Variants in KCNIP4 observed in about 807,000 individuals in gnomAD.
KCNIP4 encodes Kv channel-interacting protein 4.
Under a neutral mutation model 34.0 loss-of-function variants are expected in KCNIP4, and 12 were observed. The observed-to-expected ratio is 0.35, with a 90% CI of 0.23 to 0.57. KCNIP4 has a LOEUF of 0.57. KCNIP4 is among the 20% of genes least tolerant of loss of function. The pLI is 0.83. For synonymous variants in KCNIP4, 124 were observed against 102.2 expected (o/e 1.21, Z -1.29); for missense variants, 238 against 311.7 (o/e 0.76, Z 1.78).
chr4:20,864,092 A>G (rs974565117), intron 2 of KCNIP4, among the ~76,000 whole-genome samples: 5 of 150,948 alleles, frequency 3.3e-5, no homozygotes, highest in Admixed American at 2.0e-4. Context: ...ATGTATATGC[A>G]TGTATACGTA....
intron 1 of KCNIP4, among the ~76,000 whole-genome samples, chr4:21,110,647 A>G (rs1749081922): frequency 2.0e-5 from 3 of 152,266 alleles, no homozygotes; most frequent in African/African-American, 7.2e-5. Flanking sequence ...TTTTGTTAAA[A>G]CCTAATCCCT....
rs895869432 is a variant in KCNIP4 at position 21,297,065 on chromosome 4, T to C, written c.62-414356A>G. 5.9e-5 allele frequency among the ~76,000 whole-genome samples: 9 copies of C among 151,354 alleles called. No individual in the cohort carries two copies. In the South Asian group the frequency reaches 8.3e-4, roughly 14 times the overall value. On this transcript the variant is annotated intron_variant, in intron 1 of 8. Transcript: ENST00000382152. The stretch of plus-strand genomic sequence containing the variant: ...GTGTGTTTGTGTGTGTATAAATATA[T>C]GAATTTCTGGTAAGTCAAGTGCTAT...
At chr4:21,272,171 C>T (rs1762190501) in intron 1 of KCNIP4, among the ~76,000 whole-genome samples, 1 of 152,092 alleles carries the variant, frequency 6.6e-6, no homozygotes, top group Non-Finnish European at 1.5e-5. Flanking sequence ...TTTTCCTTAA[C>T]CTCTCTGCCT....
intron 1 of KCNIP4, among the ~76,000 whole-genome samples, chr4:21,122,633 G>A (rs1002637723): frequency 6.6e-6 from 1 of 152,020 alleles, no homozygotes; most frequent in African/African-American, 2.4e-5. Flanking sequence ...ATTGTTTCCA[G>A]GTCCTACCCC....
intron 1 of KCNIP4, among the ~76,000 whole-genome samples, chr4:21,441,953 A>C (rs553493007): frequency 6.6e-6 from 1 of 152,352 alleles, no homozygotes; most frequent in South Asian, 2.1e-4. Flanking sequence ...TCATTTAAGA[A>C]ATATCCACTA....
At chr4:21,117,351 T>C (rs1577722029) in intron 1 of KCNIP4, among the ~76,000 whole-genome samples, 2 of 143,706 alleles carry the variant, frequency 1.4e-5, no homozygotes, top group East Asian at 4.5e-4. Flanking sequence ...GTGATTCTCC[T>C]ATGTCCCAGG....
chr4:21,106,670 G>T (rs867147432), intron 1 of KCNIP4, among the ~76,000 whole-genome samples: 20 of 151,572 alleles, frequency 1.3e-4, no homozygotes, highest in African/African-American at 4.4e-4. Flanking sequence ...TGCTTTTCTA[G>T]TTCTTTTAAT....
At chr4:20,922,970 T>A (rs1480604233) in intron 1 of KCNIP4, among the ~76,000 whole-genome samples, 1 of 152,136 alleles carries the variant, frequency 6.6e-6, no homozygotes, top group South Asian at 2.1e-4. Context: ...TACGTGTGTG[T>A]GTGTGCGTGT....
chr4:21,016,304 CTT>C (rs112678208), intron 1 of KCNIP4, among the ~76,000 whole-genome samples: 4 of 142,474 alleles, frequency 2.8e-5, no homozygotes, highest in Non-Finnish European at 1.5e-5. Flanking sequence ...TTTCTTTTTT[CTT>C]TTTTTTTTTT....
chr4:21,135,227 G>A (rs1751411696), intron 1 of KCNIP4, among the ~76,000 whole-genome samples: 1 of 152,206 alleles, frequency 6.6e-6, no homozygotes, highest in Non-Finnish European at 1.5e-5. Context: ...CTTCAATTAA[G>A]ATGAGCAGAG....
In KCNIP4 at chr4:20,755,668, A is replaced by T. The variant is rs116642993; in HGVS notation, c.358+3153T>A. ...AAGAGACATAAAGCAGGGGAAGGGG[A>T]TGGGGAATGTTTAAGGTGTTGCAAT... On this transcript the variant is annotated intron_variant, in intron 4 of 8. Coordinates refer to ENST00000382152, the MANE Select transcript of KCNIP4 (RefSeq NM_025221.6). Among the ~76,000 whole-genome samples, 826 of 152,264 alleles carry T rather than the reference A, an allele frequency of 5.4e-3. 6 individuals are homozygous for T. The highest frequency in any genetic ancestry group is 0.019 in the African/African-American group (800 of 41,568).
intron 1 of KCNIP4, among the ~76,000 whole-genome samples, chr4:21,310,938 A>G (rs1041358898): frequency 6.6e-6 from 1 of 152,172 alleles, no homozygotes; most frequent in Non-Finnish European, 1.5e-5. Flanking sequence ...TGAGAAATGC[A>G]TTTCAATAAT....
chr4:20,886,042 C>G (rs1439365292), intron 1 of KCNIP4, among the ~76,000 whole-genome samples: 1 of 152,176 alleles, frequency 6.6e-6, no homozygotes, highest in Non-Finnish European at 1.5e-5. Flanking sequence ...TAAAACAATT[C>G]ATGATACAAT....
chr4:21,816,631 T>A (rs1191697483), intron 1 of KCNIP4, among the ~76,000 whole-genome samples: 1 of 152,146 alleles, frequency 6.6e-6, no homozygotes, highest in East Asian at 1.9e-4. Flanking sequence ...GGAAGTCTCT[T>A]ACTATTTTCT....
chr4:21,326,222 G>A (rs1209482867), intron 1 of KCNIP4, among the ~76,000 whole-genome samples: 1 of 151,492 alleles, frequency 6.6e-6, no homozygotes, highest in South Asian at 2.1e-4. Flanking sequence ...TTGTATTGGG[G>A]TATATCTGCC....
chr4:21,051,189 T>G (rs1365927717), intron 1 of KCNIP4, among the ~76,000 whole-genome samples: 1 of 152,216 alleles, frequency 6.6e-6, no homozygotes, highest in African/African-American at 2.4e-5. Flanking sequence ...CAAAAACAAG[T>G]GTCATTTTTC....
At chr4:21,706,914 A>AAT (rs915689738) in intron 1 of KCNIP4, among the ~76,000 whole-genome samples, 1 of 152,172 alleles carries the variant, frequency 6.6e-6, no homozygotes, top group African/African-American at 2.4e-5. Context: ...GTCTTGATAA[A>AAT]ATATCAGACT....
At chr4:21,613,088 G>C (rs1315408505) in intron 1 of KCNIP4, among the ~76,000 whole-genome samples, 1 of 152,106 alleles carries the variant, frequency 6.6e-6, no homozygotes, top group Non-Finnish European at 1.5e-5. Flanking sequence ...CACCAAGTTG[G>C]AACATGAGGG....
At chr4:20,991,447 G>A (rs531777875) in intron 1 of KCNIP4, among the ~76,000 whole-genome samples, 84 of 152,208 alleles carry the variant, frequency 5.5e-4, no homozygotes, top group Non-Finnish European at 9.0e-4. Flanking sequence ...AAGGGAAAGC[G>A]AGAAATGAGA....
Sources: gnomAD v4.1 joint callset for allele counts (sites outside exome capture counted in the v4.1 genomes callset) on GRCh38, gnomAD v4.1.1 for gene constraint, MANE v1.5 for transcripts, NCBI Gene and HGNC (gene_info 2026-07-23, HGNC 2026-07-21) for gene names.